The following DUSP15 variants were observed in gnomAD, a reference collection of about 807,000 sequenced individuals.
DUSP15 encodes dual specificity phosphatase 15.
A neutral mutation model predicts 26.3 loss-of-function variants in DUSP15; 23 were observed. The ratio of observed to expected loss-of-function variants is 0.87; its 90% CI spans 0.63 to 1.24. The LOEUF (loss-of-function observed/expected upper bound fraction) is 1.24. Among genes scored for constraint, DUSP15 ranks in the 50% most tolerant of loss-of-function variants. The pLI, the probability that DUSP15 is intolerant of heterozygous loss-of-function variation, is 0.00. For synonymous variants in DUSP15, 143 were observed against 135.5 expected, an observed-to-expected ratio of 1.06 and a Z score of -0.39; for missense variants, 364 against 320.6, an observed-to-expected ratio of 1.14 and a Z score of -1.03.
At chr20:31,848,894 G>A (rs1185526460) in exon 9 of DUSP15, 2 of 1,611,296 alleles carry the variant, frequency 1.2e-6, no homozygotes, top group African/African-American at 1.3e-5. Context: ...CTTTGGGTCC[G>A]GTGACCATCC....
rs191656815 is a variant in DUSP15, at chr20:31,867,680, T to A, written c.56-527A>T. On this transcript the variant is annotated intron_variant, in intron 2 of 6. Transcript: ENST00000339738. The stretch of plus-strand genomic sequence containing the variant: ...TTTTTTTTGAGACGGAGTCTTGCTC[T>A]CTCTCCCAGGCTGGAGTCCAGTGGC... Among the ~76,000 whole-genome samples the A allele has an allele frequency of 4.7e-4, 57 of 122,222 alleles. 1 individual carries two copies. The East Asian group carries it at 0.015, about 33-fold the overall frequency. The allele number at this position is 122,222 out of a possible 152,430, so 80.2% of individuals were successfully genotyped here. A position where few individuals can be genotyped will look rare whatever the true frequency, so the allele number is the denominator to read the frequency against.
intron 2 of DUSP15, among the ~76,000 whole-genome samples, chr20:31,868,306 G>C (rs1325243387): frequency 6.6e-6 from 1 of 152,142 alleles, no homozygotes; most frequent in Non-Finnish European, 1.5e-5. Flanking sequence ...GAGCGGCTGA[G>C]GGAGCTCCCA....
At position 31,863,906 on chromosome 20, in the gene DUSP15, C is replaced by G; in HGVS notation, c.263+1G>C. The G allele has an allele frequency of 6.2e-7, 1 of 1,613,466 alleles. No individual in the cohort carries two copies. Among genetic ancestry groups the G allele is most frequent in the Non-Finnish European group, 8.5e-7 (1 of 1,179,484 alleles). Reference sequence around the variant, plus strand: ...ACCTTATCCCCCTCCGCTTAACTCACCAGTGCACAAGGCAGTTCCCCCCAT... The same window carrying G: ...ACCTTATCCCCCTCCGCTTAACTCAGCAGTGCACAAGGCAGTTCCCCCCAT... On this transcript the variant is annotated splice_donor_variant, in intron 5 of 6. Transcript: ENST00000339738. LOFTEE classifies it high-confidence loss of function.
downstream of DUSP15, among the ~76,000 whole-genome samples, chr20:31,860,762 G>A (rs4911535): frequency 0.094 from 14,268 of 152,210 alleles, 1,034 homozygotes; most frequent in East Asian, 0.25. Flanking sequence ...GGAGGGGAGG[G>A]GCCCCTCATG....
intron 3 of DUSP15, among the ~76,000 whole-genome samples, chr20:31,865,814 C>T (rs1293261142): frequency 2.0e-5 from 3 of 152,176 alleles, no homozygotes; most frequent in Non-Finnish European, 4.4e-5. Context: ...GTGGTACTAT[C>T]AAACCCTGCC....
At chr20:31,860,802 G>A (rs1489947604), downstream of DUSP15, among the ~76,000 whole-genome samples, 3 of 152,208 alleles carry the variant, frequency 2.0e-5, no homozygotes, top group Non-Finnish European at 2.9e-5. Context: ...AAGGTGGAAG[G>A]GGGTTCCGAG....
At chr20:31,862,094 A>C (rs978783630) in intron 6 of DUSP15, among the ~76,000 whole-genome samples, 2 of 152,012 alleles carry the variant, frequency 1.3e-5, no homozygotes, top group African/African-American at 4.8e-5. Context: ...GCCTCTGGGT[A>C]CCGCCCTCAA....
At chr20:31,852,550 C>T (rs1170973024) in intron 6 of DUSP15, among the ~76,000 whole-genome samples, 2 of 152,204 alleles carry the variant, frequency 1.3e-5, no homozygotes, top group Non-Finnish European at 2.9e-5. Context: ...GTGGCTCATG[C>T]CTGTAATCCC....
In DUSP15 at chr20:31,862,467, CG is replaced by C. The variant is rs1296643121; in HGVS notation, c.435+103del. 4 of 1,381,972 alleles carry C rather than the reference CG, an allele frequency of 2.9e-6. No homozygotes were observed. The African/African-American group carries it at 5.8e-5, about 20-fold the overall frequency. 85.6% of individuals were successfully genotyped at this position (1,381,972 alleles called of 1,614,324 possible). A position where few individuals can be genotyped will look rare whatever the true frequency, so the allele number is the denominator to read the frequency against. ...ATGAGTTTGAGACCCTAGAAAAATC[CG>C]GGTCTGAGGCACAGGCTAAAAATGT... On this transcript the variant is annotated intron_variant, in intron 6 of 6. Transcript: ENST00000339738.
At chr20:31,859,793 G>A (rs1479114317), downstream of DUSP15, among the ~76,000 whole-genome samples, 2 of 152,158 alleles carry the variant, frequency 1.3e-5, no homozygotes, top group Non-Finnish European at 2.9e-5. Flanking sequence ...GAGGTAGAAG[G>A]TGTTTTAAAT....
At chr20:31,848,519 G>C (rs2062404986) in exon 10 of DUSP15, 6 of 1,605,468 alleles carry the variant, frequency 3.7e-6, no homozygotes, top group Non-Finnish European at 5.1e-6. Flanking sequence ...CTCGGTTGAG[G>C]CACTTAGAGT....
downstream of DUSP15, among the ~76,000 whole-genome samples, chr20:31,846,478 A>AGAGAGAGAGAGAGGG (rs1568647452): frequency 1.6e-5 from 2 of 126,488 alleles, no homozygotes; most frequent in African/African-American, 6.3e-5. Context: ...GAGAGAGAGG[A>AGAGAGAGAGAGAGGG]GAGAGAGGCA....
downstream of DUSP15, chr20:31,847,525 C>T (rs1452997362): frequency 6.6e-6 from 1 of 152,170 alleles, no homozygotes; most frequent in Non-Finnish European, 1.5e-5. Flanking sequence ...GTTTTCCCCC[C>T]ATGAAGGTGG....
downstream of DUSP15, among the ~76,000 whole-genome samples, chr20:31,860,848 C>A (rs1246859643): frequency 6.6e-6 from 1 of 152,012 alleles, no homozygotes; most frequent in Non-Finnish European, 1.5e-5. Flanking sequence ...GGCGGGACAC[C>A]GTGGCTTTGG....
In DUSP15 at chr20:31,870,041, G is replaced by T; in HGVS notation, c.21+276C>A. ...AGGGACACATGCAGACGGAGAGCAG[G>T]ACTCACTGGGAGACAGCCTGGGAGT... On this transcript the variant is annotated intron_variant, in intron 1 of 6. Coordinates refer to ENST00000339738, the MANE Select transcript of DUSP15 (RefSeq NM_080611.5). The surrounding 1 kb of genome is among the most constrained non-coding windows in gnomAD (Gnocchi z 6.6). The T allele has an allele frequency of 7.7e-7, 1 of 1,298,324 alleles. No individual in the cohort carries two copies. The highest frequency in any genetic ancestry group is 9.8e-7 in the Non-Finnish European group (1 of 1,025,052). 80.4% of individuals were successfully genotyped at this position (1,298,324 alleles called of 1,614,324 possible). A position where few individuals can be genotyped will look rare whatever the true frequency, so the allele number is the denominator to read the frequency against.
chr20:31,849,596 T>A, intron 8 of DUSP15: 1 of 1,403,668 alleles, frequency 7.1e-7, no homozygotes, highest in African/African-American at 1.4e-5. Context: ...CTCCACCTTG[T>A]TGGGCTGCGC....
In DUSP15 at chr20:31,861,646, G is replaced by GC; in HGVS notation, c.464dup (p.Glu156ArgfsTer155). ...CCTCCTCGTCGCGGAAGGGGCTCTC[G>GC]CCGAAGCGCTCCTCCAGCTGCCGGC... On this transcript the variant is annotated frameshift_variant, in exon 7 of 7. Transcript: ENST00000339738. LOFTEE classifies it high-confidence loss of function. The GC allele has an allele frequency of 7.7e-7, 1 of 1,293,400 alleles. No individual in the cohort carries two copies. The highest frequency in any genetic ancestry group is 9.9e-7 in the Non-Finnish European group (1 of 1,006,496). 80.1% of individuals were successfully genotyped at this position (1,293,400 alleles called of 1,614,324 possible). A position where few individuals can be genotyped will look rare whatever the true frequency, so the allele number is the denominator to read the frequency against.
chr20:31,866,213 A>T (rs60266818), intron 3 of DUSP15, among the ~76,000 whole-genome samples: 13,095 of 152,236 alleles, frequency 0.086, 749 homozygotes, highest in African/African-American at 0.15. Flanking sequence ...ACCTTTTCCC[A>T]CCCATGGTTC....
exon 8 of DUSP15, chr20:31,849,793 C>T (rs2123175845): frequency 6.5e-7 from 1 of 1,541,478 alleles, no homozygotes; most frequent in South Asian, 1.2e-5. Flanking sequence ...CCCGCGGACT[C>T]AGACGACAGC....
Sources: allele counts gnomAD v4.1 joint callset (sites outside exome capture counted in the v4.1 genomes callset), GRCh38; gene constraint gnomAD v4.1.1; non-coding constraint Gnocchi (gnomAD v3.1); transcripts MANE v1.5; gene names NCBI Gene and HGNC (gene_info 2026-07-23, HGNC 2026-07-21).